The following C5orf63 variants were observed in gnomAD, a reference collection of about 807,000 sequenced individuals.
C5orf63 encodes the protein chromosome 5 open reading frame 63, also known as glutaredoxin-like protein C5orf63.
A neutral mutation model predicts 13.3 loss-of-function variants in C5orf63; 18 were observed. The ratio of observed to expected loss-of-function variants is 1.36; its 90% CI spans 0.94 to 2.01. C5orf63 has a LOEUF of 2.01. Ranked by LOEUF, C5orf63 falls within the 30% of genes most tolerant of loss-of-function variation. The pLI, the probability that C5orf63 is intolerant of heterozygous loss-of-function variation, is 0.00. For synonymous variants in C5orf63, 38 were observed against 44.7 expected (o/e 0.85, Z 0.60); for missense variants, 118 against 127.7 (o/e 0.92, Z 0.36).
At chr5:127,046,123 G>C (rs552969808) in exon 5 of C5orf63, 1 of 152,286 alleles carries the variant, frequency 6.6e-6, no homozygotes, top group South Asian at 2.1e-4. Context: ...CCTTTGTTTT[G>C]CACTTCTAAC....
At chr5:127,052,028 C>T (rs1379491365) in intron 4 of C5orf63, 81 bp from the exon 5 acceptor site, 3 of 1,075,846 alleles carry the variant, frequency 2.8e-6, no homozygotes, top group African/African-American at 1.6e-5. Flanking sequence ...GATCCCCAGA[C>T]CATTTCTAAT....
chr5:127,059,572 C>CA (rs1754018127), intron 2 of C5orf63, among the ~76,000 whole-genome samples: 1 of 151,348 alleles, frequency 6.6e-6, no homozygotes, highest in South Asian at 2.1e-4. Context: ...ACTAAAAATA[C>CA]AAAAAATTAG....
At chr5:127,047,851 T>G, downstream of C5orf63, 1 of 703,592 alleles carries the variant, frequency 1.4e-6, no homozygotes, top group East Asian at 2.7e-5. Flanking sequence ...CATGTGGGGG[T>G]GGGAAGGTGA....
At chr5:127,072,082 T>G (rs990975996) in intron 1 of C5orf63, 1 of 152,218 alleles carries the variant, frequency 6.6e-6, no homozygotes, top group African/African-American at 2.4e-5. Context: ...TTCCTTGGCA[T>G]GTGGCTACTG....
chr5:127,071,034 T>A (rs1754517844), intron 2 of C5orf63, among the ~76,000 whole-genome samples: 1 of 152,240 alleles, frequency 6.6e-6, no homozygotes, highest in African/African-American at 2.4e-5. Flanking sequence ...ATACTTTTTA[T>A]AGATCCAACC....
chr5:127,067,900 G>A (rs567796216), intron 2 of C5orf63, among the ~76,000 whole-genome samples: 14 of 152,270 alleles, frequency 9.2e-5, no homozygotes, highest in Non-Finnish European at 2.1e-4. Context: ...AACCAACACA[G>A]CTCCTACTAA....
intron 3 of C5orf63, among the ~76,000 whole-genome samples, chr5:127,055,824 G>A (rs934370904): frequency 6.6e-6 from 1 of 152,078 alleles, no homozygotes; most frequent in East Asian, 1.9e-4. Context: ...TCTAGATTGG[G>A]TTTTCTGTTT....
chr5:127,064,124 T>C (rs73783525), intron 2 of C5orf63, among the ~76,000 whole-genome samples: 2,951 of 152,174 alleles, frequency 0.019, 86 homozygotes, highest in African/African-American at 0.068. Context: ...CCTGGGATCT[T>C]GGGTTCAAGG....
chr5:127,050,558 A>G (rs1455434322), downstream of C5orf63, among the ~76,000 whole-genome samples: 1 of 152,148 alleles, frequency 6.6e-6, no homozygotes, highest in Non-Finnish European at 1.5e-5. Flanking sequence ...AGCCCCCTGC[A>G]ATGAGTCCAG....
Position 127,051,799 on chromosome 5 carries a change from T to G in C5orf63, c.320A>C (p.Lys107Thr), listed in dbSNP as rs746486172. Reference protein sequence around the residue: ...NTSKLEKQLLKLEQQSTGG With the variant: ...NTSKLEKQLLTLEQQSTGG ...GCCTCCAGTACTTTGCTGCTCAAGT[T>G]TCAGGAGCTGTTTTTCAAGTTTTGA... The change falls in exon 5 of 5, where the codon AAA becomes ACA. Residue 107 changes from lysine to threonine, a missense_variant. By Grantham distance (78) the Lys-to-Thr change is moderately conservative. Transcript: ENST00000296662. The G allele has an allele frequency of 1.7e-5, 26 of 1,528,756 alleles. No homozygotes were observed. In the East Asian group the frequency reaches 6.4e-4, roughly 37 times the overall value. 94.7% of individuals were successfully genotyped at this position (1,528,756 alleles called of 1,614,324 possible). A position where few individuals can be genotyped will look rare whatever the true frequency, so the allele number is the denominator to read the frequency against.
At chr5:127,064,191 G>C (rs1754231474) in intron 2 of C5orf63, among the ~76,000 whole-genome samples, 1 of 152,110 alleles carries the variant, frequency 6.6e-6, no homozygotes, top group Admixed American at 6.6e-5. Flanking sequence ...GTGCCATATA[G>C]GGACAAAACC....
intron 2 of C5orf63, among the ~76,000 whole-genome samples, chr5:127,067,773 G>A (rs1580535301): frequency 1.3e-5 from 2 of 152,160 alleles, no homozygotes; most frequent in South Asian, 2.1e-4. Flanking sequence ...ATTCATGCAC[G>A]TCAAAAAAGA....
intron 2 of C5orf63, among the ~76,000 whole-genome samples, chr5:127,069,571 C>G (rs1303682150): frequency 2.0e-5 from 3 of 152,180 alleles, no homozygotes; most frequent in African/African-American, 7.2e-5. Flanking sequence ...ATGTTTCATT[C>G]ATTGCTTGCC....
intron 2 of C5orf63, among the ~76,000 whole-genome samples, chr5:127,067,898 C>G (rs1183511627): frequency 2.6e-5 from 4 of 152,182 alleles, no homozygotes; most frequent in African/African-American, 9.6e-5. Context: ...TAAACCAACA[C>G]AGCTCCTACT....
intron 2 of C5orf63, among the ~76,000 whole-genome samples, chr5:127,063,118 C>T (rs1185154876): frequency 1.3e-5 from 2 of 152,128 alleles, no homozygotes; most frequent in African/African-American, 2.4e-5. Context: ...CAGTGCCCCT[C>T]GGAGGCATGG....
intron 3 of C5orf63, among the ~76,000 whole-genome samples, chr5:127,053,816 C>G (rs1012212274): frequency 3.9e-5 from 6 of 152,154 alleles, no homozygotes; most frequent in African/African-American, 1.4e-4. Context: ...GCCATATTTT[C>G]TTAATCCAGT....
chr5:127,053,950 C>T (rs920132247), intron 3 of C5orf63, among the ~76,000 whole-genome samples: 1 of 151,934 alleles, frequency 6.6e-6, no homozygotes, highest in Admixed American at 6.6e-5. Context: ...TTATAATTGG[C>T]TTATCATGTT....
chr5:127,072,958 C>G (rs745306162), intron 1 of C5orf63: 5 of 152,222 alleles, frequency 3.3e-5, no homozygotes, highest in African/African-American at 4.8e-5. Context: ...ATCCAGAGAG[C>G]CCCGGCACTC....
chr5:127,043,019 C>T (rs1753440044), downstream of C5orf63: 1 of 152,170 alleles, frequency 6.6e-6, no homozygotes, highest in Admixed American at 6.5e-5. Context: ...CTTCTTTCCT[C>T]CTCTGGACAA....
Sources: gnomAD v4.1 joint callset for allele counts (sites outside exome capture counted in the v4.1 genomes callset) on GRCh38, gnomAD v4.1.1 for gene constraint, MANE v1.5 for transcripts, NCBI Gene and HGNC (gene_info 2026-07-23, HGNC 2026-07-21) for gene names.